TMEM94: variants seen among roughly 807,000 people sequenced by gnomAD.
The protein encoded by TMEM94 is ER Mg2+ ATPase.
TMEM94 carries 81 observed loss-of-function variants against 158.6 expected under a neutral mutation model. The observed-to-expected ratio is 0.51, with a 90% CI of 0.43 to 0.61. The LOEUF (loss-of-function observed/expected upper bound fraction) is 0.61. Among genes scored for constraint, TMEM94 ranks in the 20% least tolerant of loss-of-function variants. The pLI, the probability that TMEM94 is intolerant of heterozygous loss-of-function variation, is 0.00. For synonymous variants in TMEM94, 751 were observed against 730.7 expected (o/e 1.03, Z -0.45); for missense variants, 1,435 against 1,762.0 (o/e 0.81, Z 3.32).
At chr17:75,467,816 G>A (rs2050363473) in intron 1 of TMEM94, among the ~76,000 whole-genome samples, 1 of 152,162 alleles carries the variant, frequency 6.6e-6, no homozygotes, top group Admixed American at 6.6e-5. Flanking sequence ...ACAGGCGTGA[G>A]CCACCGCGCC....
At chr17:75,466,116 A>G (rs1040162460) in intron 1 of TMEM94, among the ~76,000 whole-genome samples, 2 of 151,944 alleles carry the variant, frequency 1.3e-5, no homozygotes. Flanking sequence ...TATGTTTTTT[A>G]TGTTTTAAGA....
rs1598400587 is a variant in TMEM94 at position 75,489,277 on chromosome 17, A to G, written c.776A>G (p.Asp259Gly). ...PVIDNIRWCL[D>G]MALSRPVTAL... ...ACTTCTTTCTGCAGATGGTGCCTGG[A>G]CATGGCCCTGTCCCGACCAGTCACT... The change falls in exon 8 of 32, where the codon GAC (aspartate) becomes GGC (glycine). Residue 259 changes from aspartate to glycine, a missense_variant. Transcript: ENST00000314256. The surrounding 1 kb of genome is among the most constrained non-coding windows in gnomAD (Gnocchi z 5.0). The G allele has an allele frequency of 6.2e-7, 1 of 1,614,052 alleles. No individual in the cohort carries two copies. The highest frequency in any genetic ancestry group is 1.3e-5 in the African/African-American group (1 of 74,942).
In TMEM94 at chr17:75,493,854, G is replaced by A. The variant is rs1417420211; in HGVS notation, c.2345G>A (p.Cys782Tyr). 2 of 1,613,230 alleles carry A rather than the reference G, an allele frequency of 1.2e-6. No individual in the cohort carries two copies. The highest frequency in any genetic ancestry group is 1.1e-5 in the South Asian group (1 of 91,086). ...GGCCAAAGCAGCATCTTCACCATGTGCGAGCTGCCCAGCACCATCCCCATC... is the reference window on the plus strand; with the variant it reads ...GGCCAAAGCAGCATCTTCACCATGTACGAGCTGCCCAGCACCATCCCCATC... The part of the protein sequence containing the change: ...VPGQSSIFTM[C>Y]ELPSTIPIKQ... Residue 782 changes from cysteine to tyrosine, a missense_variant, in exon 18 of 32, where the codon TGC (cysteine) becomes TAC (tyrosine). Physicochemically the swap from Cys to Tyr is radical, Grantham distance 194. This residue lies in a region of TMEM94 where 1,051 missense variants were observed against 1,254.4 expected (regional missense o/e 0.84). Coordinates refer to ENST00000314256, the MANE Select transcript of TMEM94 (RefSeq NM_014738.6).
In TMEM94 at chr17:75,489,202, C is replaced by A; in HGVS notation, c.765-64C>A. ...GGTATCTGGCAGAGAGGCCCAGAATCCTCCCAAGGTGTAGGTTTCTAGCCT... is the reference window on the plus strand; with the variant it reads ...GGTATCTGGCAGAGAGGCCCAGAATACTCCCAAGGTGTAGGTTTCTAGCCT... On this transcript the variant is annotated intron_variant, in intron 7 of 31. Coordinates refer to ENST00000314256, the MANE Select transcript of TMEM94 (RefSeq NM_014738.6). The surrounding 1 kb of genome is among the most constrained non-coding windows in gnomAD (Gnocchi z 5.0). The A allele has an allele frequency of 6.7e-7, 1 of 1,487,640 alleles. No homozygotes were observed. Among genetic ancestry groups the A allele is most frequent in the Non-Finnish European group, 9.4e-7 (1 of 1,067,120 alleles). 92.2% of individuals were successfully genotyped at this position (1,487,640 alleles called of 1,614,324 possible).
Position 75,485,869 on chromosome 17 carries a change from A to G in TMEM94, c.145-2A>G, listed in dbSNP as rs1197836647. The G allele has an allele frequency of 6.2e-7, 1 of 1,610,386 alleles. No homozygotes were observed. The highest frequency in any genetic ancestry group is 1.7e-5 in the Admixed American group (1 of 59,734). The stretch of plus-strand genomic sequence containing the variant: ...TGTCCCCTCCCTGTCCGAACTTCCC[A>G]GGAGGTGTGGAGAAGCAGCTTCCTC... On this transcript the variant is annotated splice_acceptor_variant, in intron 3 of 31. Transcript: ENST00000314256. LOFTEE classifies it high-confidence loss of function. The surrounding 1 kb of genome is among the most constrained non-coding windows in gnomAD (Gnocchi z 5.5).
At chr17:75,484,761 G>T (rs976780836) in intron 2 of TMEM94, among the ~76,000 whole-genome samples, 1 of 151,988 alleles carries the variant, frequency 6.6e-6, no homozygotes, top group Admixed American at 6.5e-5. Context: ...TTTAGGCCAG[G>T]CACAGTGGCT....
intron 9 of TMEM94, 55 bp from the exon 10 acceptor site, chr17:75,490,179 C>A: frequency 4.4e-6 from 7 of 1,594,216 alleles, no homozygotes; most frequent in Non-Finnish European, 6.0e-6. Flanking sequence ...CCTTCCCTTC[C>A]CTCCTCCCCA....
chr17:75,468,633 C>T (rs920922647), intron 1 of TMEM94, among the ~76,000 whole-genome samples: 5 of 152,112 alleles, frequency 3.3e-5, no homozygotes, highest in South Asian at 2.1e-4. Context: ...TCTGAGCCTT[C>T]GAGGCTGGCT....
intron 4 of TMEM94, 93 bp downstream of exon 4, chr17:75,486,091 ACCC>A: frequency 6.9e-7 from 1 of 1,458,244 alleles, no homozygotes; most frequent in Non-Finnish European, 9.1e-7. Flanking sequence ...GGGGGCTGTC[ACCC>A]CCAAGCTGCT....
At chr17:75,476,435 G>C (rs1241016811) in intron 2 of TMEM94, 261 of 752,948 alleles carry the variant, frequency 3.5e-4, no homozygotes, top group Middle Eastern at 5.1e-4. Context: ...CCTCCCTCCC[G>C]CCCTTCCAGG....
chr17:75,475,737 G>C (rs1036142311), intron 2 of TMEM94, among the ~76,000 whole-genome samples: 4 of 151,828 alleles, frequency 2.6e-5, no homozygotes, highest in African/African-American at 9.7e-5. Context: ...AGCCTCATGG[G>C]CCCAGCAGCA....
In TMEM94 at chr17:75,492,326, G is replaced by A; in HGVS notation, c.1597-148G>A. ...CAGGAAGCGGATTTCAGGAGGGAGC[G>A]GGTGGAAGAGGGTGAGCAGCAGCTC... On this transcript the variant is annotated intron_variant, in intron 14 of 31. Transcript: ENST00000314256. This position sits in a 1 kb window ranked among gnomAD's most constrained non-coding sequence, Gnocchi z 4.4. The A allele has an allele frequency of 2.8e-6, 4 of 1,433,052 alleles. No homozygotes were observed. The highest frequency in any genetic ancestry group is 2.9e-5 in the Admixed American group (1 of 34,058). The allele number at this position is 1,433,052 out of a possible 1,614,324, so 88.8% of individuals were successfully genotyped here. A position where few individuals can be genotyped will look rare whatever the true frequency, so the allele number is the denominator to read the frequency against.
Position 75,495,682 on chromosome 17 carries a change from C to G in TMEM94, c.2944+39C>G. On this transcript the variant is annotated intron_variant, in intron 22 of 31. Coordinates refer to ENST00000314256, the MANE Select transcript of TMEM94 (RefSeq NM_014738.6). The surrounding 1 kb of genome is among the most constrained non-coding windows in gnomAD (Gnocchi z 5.6). ...CCATGGGTACTTGGGCAACCTGGTC[C>G]CGTCGGCTGAGCTCTGCCTGGGCCT... 1.3e-6 allele frequency: 2 copies of G among 1,591,982 alleles called. No homozygotes were observed. Among genetic ancestry groups the G allele is most frequent in the Non-Finnish European group, 1.7e-6 (2 of 1,161,848 alleles).
chr17:75,482,113 C>T (rs1166721319), intron 2 of TMEM94, among the ~76,000 whole-genome samples: 4 of 151,664 alleles, frequency 2.6e-5, no homozygotes, highest in East Asian at 3.9e-4. Flanking sequence ...GAGGCCAAGG[C>T]GGGCAGATTG....
chr17:75,471,010 G>A (rs929618527), intron 1 of TMEM94, among the ~76,000 whole-genome samples: 21 of 151,646 alleles, frequency 1.4e-4, no homozygotes, highest in Non-Finnish European at 2.6e-4. Flanking sequence ...AGGCTGAGGC[G>A]GGTGGATCAC....
chr17:75,492,117 A>T lies in TMEM94; in HGVS notation c.1596+217A>T. The stretch of plus-strand genomic sequence containing the variant: ...CCCTTCCATTCTTGTAATCGCAATC[A>T]CTGGTGTCCCTACTGGAACCTTCCA... On this transcript the variant is annotated intron_variant, in intron 14 of 31. Transcript: ENST00000314256. This position sits in a 1 kb window ranked among gnomAD's most constrained non-coding sequence, Gnocchi z 4.4. 2 of 785,992 alleles carry T rather than the reference A, an allele frequency of 2.5e-6. No individual in the cohort carries two copies. Among genetic ancestry groups the T allele is most frequent in the South Asian group, 3.7e-5 (2 of 54,246 alleles). 48.7% of individuals were successfully genotyped at this position (785,992 alleles called of 1,614,324 possible). A position where few individuals can be genotyped will look rare whatever the true frequency, so the allele number is the denominator to read the frequency against.
At chr17:75,496,589 C>G (rs893246209) in intron 24 of TMEM94, 118 bp downstream of exon 24, 1 of 1,395,282 alleles carries the variant, frequency 7.2e-7, no homozygotes, top group Admixed American at 1.8e-5. Context: ...TCCGAGCGGG[C>G]TCTCCCAGGC....
intron 2 of TMEM94, among the ~76,000 whole-genome samples, chr17:75,481,887 G>T (rs115478770): frequency 1.8e-4 from 28 of 152,322 alleles, no homozygotes; most frequent in African/African-American, 6.3e-4. Flanking sequence ...TCCTTCAGGC[G>T]CTGCCTTTCA....
chr17:75,499,577 T>C lies in TMEM94; in HGVS notation c.*243T>C. On this transcript the variant is annotated 3_prime_UTR_variant, in exon 32 of 32. Transcript: ENST00000314256. ...TCCCTGGGCCTCACCAGGGACACTC[T>C]TGAATGTATGGCCTCAGGCGCTCCC... 1 of 567,666 alleles carries C rather than the reference T, an allele frequency of 1.8e-6. No individual in the cohort carries two copies. Among genetic ancestry groups the C allele is most frequent in the Non-Finnish European group, 3.1e-6 (1 of 318,894 alleles). 35.2% of individuals were successfully genotyped at this position (567,666 alleles called of 1,614,324 possible). A position where few individuals can be genotyped will look rare whatever the true frequency, so the allele number is the denominator to read the frequency against.
Sources: gnomAD v4.1 joint callset for allele counts (sites outside exome capture counted in the v4.1 genomes callset) on GRCh38, gnomAD v4.1.1 for gene constraint, gnomAD v4.1.1 regional missense constraint, Gnocchi (gnomAD v3.1) non-coding constraint, MANE v1.5 for transcripts, NCBI Gene and HGNC (gene_info 2026-07-23, HGNC 2026-07-21) for gene names.